Variants in EHD3 observed in about 807,000 individuals in gnomAD.
The protein encoded by EHD3 is EH domain containing 3.
A neutral mutation model predicts 43.0 loss-of-function variants in EHD3; 17 were observed. The ratio of observed to expected loss-of-function variants is 0.40; its 90% CI spans 0.27 to 0.59. The LOEUF (loss-of-function observed/expected upper bound fraction) is 0.59, where lower values mean the gene tolerates loss of function less well. EHD3 is among the 20% of genes least tolerant of loss of function. The probability of loss-of-function intolerance (pLI) is 0.49; values close to 1 mark genes in which losing one functional copy is unlikely to be tolerated. For missense variants in EHD3, 594 were observed against 705.6 expected (o/e 0.84, Z 1.79); for synonymous variants, 313 against 289.5 (o/e 1.08, Z -0.82).
At chr2:31,254,858 G>A (rs1683720195) in intron 3 of EHD3, among the ~76,000 whole-genome samples, 1 of 152,170 alleles carries the variant, frequency 6.6e-6, no homozygotes, top group South Asian at 2.1e-4. Context: ...TGTAAGATGT[G>A]TATGCCCTAC....
intron 5 of EHD3, among the ~76,000 whole-genome samples, chr2:31,262,228 G>A (rs144145361): frequency 2.6e-4 from 39 of 152,296 alleles, no homozygotes; most frequent in African/African-American, 6.3e-4. Flanking sequence ...GGTTTCTTAC[G>A]GTTTTCCCCA....
chr2:31,245,736 T>G (rs1368955334), intron 2 of EHD3, among the ~76,000 whole-genome samples: 41 of 103,196 alleles, frequency 4.0e-4, no homozygotes, highest in African/African-American at 2.1e-3. Context: ...TAATTTTGTG[T>G]TTTTTTTTTT....
chr2:31,267,535 T>C lies in EHD3; in HGVS notation c.*831T>C, dbSNP rs571544372. The C allele has an allele frequency of 6.5e-6, 1 of 152,748 alleles. No individual in the cohort carries two copies. Among genetic ancestry groups the C allele is most frequent in the East Asian group, 1.9e-4 (1 of 5,176 alleles). The allele number at this position is 152,748 out of a possible 1,614,324, so 9.5% of individuals were successfully genotyped here. On this transcript the variant is annotated 3_prime_UTR_variant, in exon 6 of 6. Coordinates refer to ENST00000322054, the MANE Select transcript of EHD3 (RefSeq NM_014600.3). The stretch of plus-strand genomic sequence containing the variant: ...GTACCAGGAGCTGTGTTAGGCACTT[T>C]ATATACATTATTCTATGTGGCCCTC...
At chr2:31,262,059 A>C (rs1311511779) in intron 5 of EHD3, among the ~76,000 whole-genome samples, 1 of 152,196 alleles carries the variant, frequency 6.6e-6, no homozygotes, top group East Asian at 1.9e-4. Context: ...TCACCTGACC[A>C]AGGTTCTCCA....
intron 3 of EHD3, among the ~76,000 whole-genome samples, chr2:31,257,034 C>CAGTCTTGGTCCTCCCGGAGCTGCAGCT (rs1683764143): frequency 1.3e-5 from 2 of 152,092 alleles, no homozygotes; most frequent in Non-Finnish European, 2.9e-5. Flanking sequence ...GAGCTGCAGC[C>CAGTCTTGGTCCTCCCGGAGCTGCAGCT]CAGTCTTGGT....
chr2:31,260,636 A>T lies in EHD3; in HGVS notation c.629A>T (p.His210Leu), dbSNP rs776537856. Residue 210 changes from histidine to leucine, a missense_variant, in exon 4 of 6, where the codon CAC (histidine) becomes CTC (leucine). Transcript: ENST00000322054. The surrounding 1 kb of genome is among the most constrained non-coding windows in gnomAD (Gnocchi z 4.6). ...FSEVIKALKNHEDKMRVVLNK... is the reference protein window; with the variant it reads ...FSEVIKALKNLEDKMRVVLNK... ...GAAGTCATCAAAGCCCTCAAGAACCACGAGGACAAGATGCGAGTGGTGCTG... is the reference window on the plus strand; with the variant it reads ...GAAGTCATCAAAGCCCTCAAGAACCTCGAGGACAAGATGCGAGTGGTGCTG... 6.2e-7 allele frequency: 1 copy of T among 1,614,212 alleles called. No individual in the cohort carries two copies. The highest frequency in any genetic ancestry group is 8.5e-7 in the Non-Finnish European group (1 of 1,180,042).
In EHD3 at chr2:31,234,196, G is replaced by A; in HGVS notation, c.-426G>A. ...TGTCCGCGGGCTGGGCAGCGTCGCCGTCTCCCCTGAGCCGCCTCGGTCCGG... is the reference window on the plus strand; with the variant it reads ...TGTCCGCGGGCTGGGCAGCGTCGCCATCTCCCCTGAGCCGCCTCGGTCCGG... On this transcript the variant is annotated 5_prime_UTR_variant, in exon 1 of 6. Transcript: ENST00000322054. 4.5e-6 allele frequency: 1 copy of A among 220,816 alleles called. No homozygotes were observed. The highest frequency in any genetic ancestry group is 6.3e-5 in the South Asian group (1 of 15,754). The allele number at this position is 220,816 out of a possible 1,614,324, so 13.7% of individuals were successfully genotyped here. A position where few individuals can be genotyped will look rare whatever the true frequency, so the allele number is the denominator to read the frequency against.
At chr2:31,258,248 C>CA (rs1372024254) in intron 3 of EHD3, among the ~76,000 whole-genome samples, 4 of 152,196 alleles carry the variant, frequency 2.6e-5, no homozygotes, top group Non-Finnish European at 5.9e-5. Flanking sequence ...AATTCTCTTA[C>CA]AGCCACCAGG....
At chr2:31,234,977 GTGTT>G (rs1572459051) in intron 1 of EHD3, 129 bp downstream of exon 1, 1 of 882,994 alleles carries the variant, frequency 1.1e-6, no homozygotes, top group East Asian at 2.7e-5. Context: ...GAAGAGATCT[GTGTT>G]TGTGCAGGCG....
In EHD3 at chr2:31,260,950, G is replaced by T. The variant is rs369917897; in HGVS notation, c.915+28G>T. 24 of 1,562,904 alleles carry T rather than the reference G, an allele frequency of 1.5e-5. No homozygotes were observed. The African/African-American group carries it at 2.3e-4, about 15-fold the overall frequency. On this transcript the variant is annotated intron_variant, in intron 4 of 5. Coordinates refer to ENST00000322054, the MANE Select transcript of EHD3 (RefSeq NM_014600.3). This position sits in a 1 kb window ranked among gnomAD's most constrained non-coding sequence, Gnocchi z 4.6. ...GAGGCAGCCCCCTGGGAGGTGGGCAGCTTGGGCAGGGGCCCAGAGTTTGGG... is the reference window on the plus strand; with the variant it reads ...GAGGCAGCCCCCTGGGAGGTGGGCATCTTGGGCAGGGGCCCAGAGTTTGGG...
chr2:31,253,197 ACATATCCTG>A (rs1425027549), intron 3 of EHD3, among the ~76,000 whole-genome samples: 1 of 131,070 alleles, frequency 7.6e-6, no homozygotes, highest in Non-Finnish European at 1.6e-5. Context: ...CACTCCTCAC[ACATATCCTG>A]CATATACACA....
chr2:31,245,553 A>ATATATATATATATATATATT (rs1446415610), intron 2 of EHD3, among the ~76,000 whole-genome samples: 8 of 35,072 alleles, frequency 2.3e-4, no homozygotes, highest in East Asian at 1.7e-3. Flanking sequence ...ATATATATAT[A>ATATATATATATATATATATT]TTTTTTTTTT....
In EHD3 at chr2:31,234,678, G is replaced by T. The variant is rs755068991; in HGVS notation, c.57G>T (p.Gln19His). 1.9e-6 allele frequency: 3 copies of T among 1,614,236 alleles called. No individual in the cohort carries two copies. Among genetic ancestry groups the T allele is most frequent in the Non-Finnish European group, 2.5e-6 (3 of 1,180,034 alleles). The change falls in exon 1 of 6, where the codon CAG becomes CAT. Residue 19 changes from glutamine (Q) to histidine (H), a missense_variant. By Grantham distance (24) the Gln-to-His change is conservative. This residue lies in a region of EHD3 where 243 missense variants were observed against 296.7 expected (regional missense o/e 0.82). Transcript: ENST00000322054. ...GGAGGAAGGACCCCGAGGTTTTCCA[G>T]ACGGTGAGTGAGGGGCTCAAGAAAC... Reference protein sequence around the residue: ...DRRRKDPEVFQTVSEGLKKLY... With the variant: ...DRRRKDPEVFHTVSEGLKKLY...
Position 31,260,860 on chromosome 2 carries a change from C to G in EHD3, c.853C>G (p.Leu285Val). The G allele has an allele frequency of 6.2e-7, 1 of 1,614,130 alleles. No homozygotes were observed. The highest frequency in any genetic ancestry group is 1.3e-5 in the African/African-American group (1 of 75,052). Reference sequence around the variant, plus strand: ...GGACCTATTCAGGGACATCCAGAGTCTGCCCCGAAATGCTGCCCTGCGCAA... The same window carrying G: ...GGACCTATTCAGGGACATCCAGAGTGTGCCCCGAAATGCTGCCCTGCGCAA... ...EQDLFRDIQS[L>V]PRNAALRKLN... Residue 285 changes from leucine to valine, a missense_variant, in exon 4 of 6, where the codon CTG becomes GTG. By Grantham distance (32) the Leu-to-Val change is conservative. Coordinates refer to ENST00000322054, the MANE Select transcript of EHD3 (RefSeq NM_014600.3). The surrounding 1 kb of genome is among the most constrained non-coding windows in gnomAD (Gnocchi z 4.6).
intron 2 of EHD3, among the ~76,000 whole-genome samples, chr2:31,245,619 T>C (rs1433842631): frequency 6.9e-6 from 1 of 144,618 alleles, no homozygotes; most frequent in African/African-American, 2.6e-5. Context: ...TGGAGTGCAA[T>C]GGCGCGATCT....
At chr2:31,259,166 A>G (rs1683803213) in intron 3 of EHD3, among the ~76,000 whole-genome samples, 1 of 152,140 alleles carries the variant, frequency 6.6e-6, no homozygotes, top group African/African-American at 2.4e-5. Flanking sequence ...GTACCCAAGA[A>G]AGGGCTCCTA....
In EHD3 at chr2:31,268,498, G is replaced by T. The variant is rs1416250673; in HGVS notation, c.*1794G>T. ...CTTTGGCTGGAAAGGGCTCACTGGG[G>T]CCACCCAATGGCCAGCATCCACAAC... On this transcript the variant is annotated 3_prime_UTR_variant, in exon 6 of 6. Coordinates refer to ENST00000322054, the MANE Select transcript of EHD3 (RefSeq NM_014600.3). 1 of 152,236 alleles carries T rather than the reference G, an allele frequency of 6.6e-6. No individual in the cohort carries two copies. Among genetic ancestry groups the T allele is most frequent in the African/African-American group, 2.4e-5 (1 of 41,446 alleles). The allele number at this position is 152,236 out of a possible 1,614,324, so 9.4% of individuals were successfully genotyped here.
intron 1 of EHD3, among the ~76,000 whole-genome samples, chr2:31,238,718 C>G (rs1304770245): frequency 6.6e-6 from 1 of 152,204 alleles, no homozygotes; most frequent in Non-Finnish European, 1.5e-5. Context: ...CCTGGTCACT[C>G]CTTCTCGCTG....
intron 1 of EHD3, among the ~76,000 whole-genome samples, 171 bp from the exon 2 acceptor site, chr2:31,244,103 C>T (rs1028374674): frequency 6.6e-6 from 1 of 152,214 alleles, no homozygotes; most frequent in Non-Finnish European, 1.5e-5. Context: ...TCCACCTCCT[C>T]TACAAAGTTC....
Sources: gnomAD v4.1 joint callset for allele counts (sites outside exome capture counted in the v4.1 genomes callset) on GRCh38, gnomAD v4.1.1 for gene constraint, gnomAD v4.1.1 regional missense constraint, Gnocchi (gnomAD v3.1) non-coding constraint, MANE v1.5 for transcripts, NCBI Gene and HGNC (gene_info 2026-07-23, HGNC 2026-07-21) for gene names.